GCM1: variants seen among roughly 807,000 people sequenced by gnomAD.
The protein encoded by GCM1 is chorion-specific transcription factor GCMa.
A neutral mutation model predicts 25.7 loss-of-function variants in GCM1; 2 were observed. The ratio of observed to expected loss-of-function variants is 0.08; its 90% CI spans 0.03 to 0.24. GCM1 has a LOEUF of 0.24. Ranked by LOEUF, GCM1 falls within the 10% of genes least tolerant of loss-of-function variation. The pLI is 1.00. For synonymous variants in GCM1, 183 were observed against 195.7 expected (o/e 0.94, Z 0.54); for missense variants, 395 against 538.7 (o/e 0.73, Z 2.64).
chr6:53,134,709 T>G (rs1182777490), intron 2 of GCM1, among the ~76,000 whole-genome samples: 1 of 152,206 alleles, frequency 6.6e-6, no homozygotes, highest in East Asian at 1.9e-4. Flanking sequence ...AGGGTGTGCC[T>G]GCAGTCCTAG....
chr6:53,143,242 A>T (rs1388309263), intron 2 of GCM1, among the ~76,000 whole-genome samples: 1 of 152,178 alleles, frequency 6.6e-6, no homozygotes, highest in East Asian at 1.9e-4. Flanking sequence ...CCAAATGTGC[A>T]TTTTTTGCTA....
chr6:53,134,118 G>A lies in GCM1; in HGVS notation c.282C>T (p.Ile94=). 1 of 1,614,146 alleles carries A rather than the reference G, an allele frequency of 6.2e-7. No homozygotes were observed. Among genetic ancestry groups the A allele is most frequent in the Non-Finnish European group, 8.5e-7 (1 of 1,179,998 alleles). The change falls in exon 3 of 6, where the codon ATC becomes ATT. Residue 94 remains isoleucine, a synonymous_variant. Transcript: ENST00000259803. The part of the protein sequence containing the change: ...RDCLAEEGRK[I]YLRPAICDKA... ...TGTCACAGATGGCAGGTCTCAGGTA[G>A]ATCTTGCGCCCCTCCTCTGCGAGAC...
intron 2 of GCM1, among the ~76,000 whole-genome samples, chr6:53,141,034 A>G (rs1412563173): frequency 6.6e-6 from 1 of 152,142 alleles, no homozygotes; most frequent in Non-Finnish European, 1.5e-5. Flanking sequence ...AACCTTACAC[A>G]AACTCTTCTG....
intron 2 of GCM1, 36 bp from the exon 3 acceptor site, chr6:53,134,360 GCTAGAAAACACAGCTGTCACCCA>G: frequency 6.3e-7 from 1 of 1,596,802 alleles, no homozygotes; most frequent in Admixed American, 1.7e-5. Context: ...TATACTTTAA[GCTAGAAAACACAGCTGTCACCCA>G]CTGTGGAGTG....
intron 5 of GCM1, among the ~76,000 whole-genome samples, chr6:53,130,440 G>C (rs1434136202): frequency 6.6e-6 from 1 of 152,178 alleles, no homozygotes; most frequent in African/African-American, 2.4e-5. Context: ...AAATTCAGGA[G>C]GGCGGGGAGG....
intron 1 of GCM1, among the ~76,000 whole-genome samples, chr6:53,147,437 T>A (rs9474407): frequency 1.5e-5 from 2 of 133,458 alleles, no homozygotes; most frequent in African/African-American, 6.9e-5. Flanking sequence ...TTTTTTTTTT[T>A]TTTTTTTTTT....
At chr6:53,138,176 G>A (rs1468820865) in intron 2 of GCM1, among the ~76,000 whole-genome samples, 3 of 151,590 alleles carry the variant, frequency 2.0e-5, no homozygotes, top group African/African-American at 7.3e-5. Context: ...CAGTTACTCA[G>A]GAGGCTGAGG....
Position 53,128,314 on chromosome 6 carries a change from A to G in GCM1, c.1203T>C (p.Tyr401=). ...FTYASHPHQQ[Y]SLPSKSSKWD... ...ATTTGCTGCTCTTGCTTGGCAGTGAATATTGCTGATGAGGATGAGAGGCGT... is the reference window on the plus strand; with the variant it reads ...ATTTGCTGCTCTTGCTTGGCAGTGAGTATTGCTGATGAGGATGAGAGGCGT... Residue 401 remains tyrosine (Y), a synonymous_variant, in exon 6 of 6, where the codon TAT becomes TAC. Transcript: ENST00000259803. 6.2e-7 allele frequency: 1 copy of G among 1,614,012 alleles called. No individual in the cohort carries two copies. The highest frequency in any genetic ancestry group is 8.5e-7 in the Non-Finnish European group (1 of 1,179,982).
At chr6:53,141,475 C>T (rs571018970) in intron 2 of GCM1, among the ~76,000 whole-genome samples, 11 of 151,830 alleles carry the variant, frequency 7.2e-5, no homozygotes, top group African/African-American at 2.7e-4. Flanking sequence ...ATCACGAGGT[C>T]GGGAGATCGA....
rs867449310 is a variant in GCM1, at chr6:53,131,007, A to C, written c.442-76T>G. 2.9e-6 allele frequency: 4 copies of C among 1,367,878 alleles called. No individual in the cohort carries two copies. In the African/African-American group the frequency reaches 5.7e-5, roughly 20 times the overall value. 84.7% of individuals were successfully genotyped at this position (1,367,878 alleles called of 1,614,324 possible). On this transcript the variant is annotated intron_variant, in intron 4 of 5. Transcript: ENST00000259803. ...TGTGTTTCATGGTGTATCAGTTTTT[A>C]TTTACTGTGTGTCCTGCCCCGGGGG...
intron 2 of GCM1, among the ~76,000 whole-genome samples, chr6:53,140,397 A>G (rs1581853887): frequency 6.6e-6 from 1 of 152,142 alleles, no homozygotes; most frequent in East Asian, 1.9e-4. Flanking sequence ...TTTGATCACA[A>G]TTTGGGGCTT....
rs1763670482 is a variant in GCM1 at position 53,128,131 on chromosome 6, A to G, written c.*75T>C. On this transcript the variant is annotated 3_prime_UTR_variant, in exon 6 of 6. Coordinates refer to ENST00000259803, the MANE Select transcript of GCM1 (RefSeq NM_003643.4). ...ATTTATCTGTGGTTATGTTTTAAAA[A>G]TTATTTCCTAAGGAAATTCTTTCAG... 7.8e-6 allele frequency: 9 copies of G among 1,159,350 alleles called. No individual in the cohort carries two copies. Among genetic ancestry groups the G allele is most frequent in the Non-Finnish European group, 1.1e-5 (9 of 820,754 alleles). The allele number at this position is 1,159,350 out of a possible 1,614,324, so 71.8% of individuals were successfully genotyped here.
rs549251249 is a variant in GCM1, at chr6:53,139,776, G to A, written c.76-5452C>T. ...CACGGGAGGCTGAGACAGGAGAATC[G>A]CTTGAACCCGGGAGGCAGAGGTTGC... is the stretch of plus-strand genomic sequence containing the variant. On this transcript the variant is annotated intron_variant, in intron 2 of 5. Transcript: ENST00000259803. Among the ~76,000 whole-genome samples the A allele has an allele frequency of 6.6e-5, 10 of 152,126 alleles. No homozygotes were observed. The South Asian group carries it at 1.0e-3, about 16-fold the overall frequency.
chr6:53,142,870 CAAAAAAAAAAAAAAAAAA>C (rs60718730), intron 2 of GCM1, among the ~76,000 whole-genome samples: 135 of 37,542 alleles, frequency 3.6e-3, no homozygotes, highest in East Asian at 0.02. Flanking sequence ...CAAGGATCTC[CAAAAAAAAAAAAAAAAAA>C]AAAAAAAAAA....
chr6:53,146,016 G>A (rs1233940655), intron 1 of GCM1, among the ~76,000 whole-genome samples: 2 of 151,952 alleles, frequency 1.3e-5, no homozygotes, highest in Non-Finnish European at 2.9e-5. Context: ...GGTTGTGAAG[G>A]CCTTAGCAGA....
chr6:53,145,456 C>T, intron 2 of GCM1, 102 bp downstream of exon 2: 1 of 763,172 alleles, frequency 1.3e-6, no homozygotes, highest in Non-Finnish European at 2.4e-6. Context: ...GAGGAATTTA[C>T]CCAGCTGGAA....
chr6:53,140,393 C>G (rs1397300277), intron 2 of GCM1, among the ~76,000 whole-genome samples: 1 of 152,000 alleles, frequency 6.6e-6, no homozygotes, highest in African/African-American at 2.4e-5. Flanking sequence ...CATGTTTGAT[C>G]ACAATTTGGG....
At chr6:53,130,697 T>C (rs1248924983) in intron 5 of GCM1, 106 bp downstream of exon 5, 1 of 866,286 alleles carries the variant, frequency 1.2e-6, no homozygotes, top group Non-Finnish European at 1.8e-6. Context: ...TGATAATCCA[T>C]GATTTCTGGC....
chr6:53,130,698 GAT>G, intron 5 of GCM1, 103 bp downstream of exon 5: 2 of 873,424 alleles, frequency 2.3e-6, no homozygotes, highest in South Asian at 3.6e-5. Flanking sequence ...GATAATCCAT[GAT>G]TTCTGGCTTT....
Sources: gnomAD v4.1 joint callset for allele counts (sites outside exome capture counted in the v4.1 genomes callset) on GRCh38, gnomAD v4.1.1 for gene constraint, MANE v1.5 for transcripts, NCBI Gene and HGNC (gene_info 2026-07-23, HGNC 2026-07-21) for gene names.